The following CHN2 variants were observed in gnomAD, a reference collection of about 807,000 sequenced individuals.
The protein encoded by CHN2 is chimerin 2.
In CHN2, 35 loss-of-function variants were observed where a neutral mutation model predicts 56.3. That is an observed-to-expected ratio of 0.62 (90% CI 0.47 to 0.82). The LOEUF (loss-of-function observed/expected upper bound fraction) is 0.82. Among genes scored for constraint, CHN2 ranks in the 40% least tolerant of loss-of-function variants. The probability of loss-of-function intolerance (pLI) is 0.00; values close to 1 mark genes in which losing one functional copy is unlikely to be tolerated. For missense variants in CHN2, 491 were observed against 580.5 expected (o/e 0.85, Z 1.58); for synonymous variants, 210 against 212.8 (o/e 0.99, Z 0.12).
intron 6 of CHN2, among the ~76,000 whole-genome samples, chr7:29,417,858 C>T (rs548467983): frequency 2.1e-4 from 32 of 152,222 alleles, no homozygotes; most frequent in African/African-American, 7.5e-4. Flanking sequence ...GAGGCCCCTG[C>T]CTGAGAGAAC....
intron 3 of CHN2, among the ~76,000 whole-genome samples, chr7:29,373,468 C>G (rs148963200): frequency 6.6e-6 from 1 of 151,696 alleles, no homozygotes; most frequent in African/African-American, 2.4e-5. Flanking sequence ...AGCCACCACG[C>G]CCGGCCGGCA....
rs1791023006 is a variant in CHN2 at position 29,509,529 on chromosome 7, C to T, written c.1235+123C>T. 5 of 684,988 alleles carry T rather than the reference C, an allele frequency of 7.3e-6. No homozygotes were observed. The South Asian group carries it at 8.5e-5, about 12-fold the overall frequency. The allele number at this position is 684,988 out of a possible 1,614,324, so 42.4% of individuals were successfully genotyped here. On this transcript the variant is annotated intron_variant, in intron 12 of 12. Coordinates refer to ENST00000222792, the MANE Select transcript of CHN2 (RefSeq NM_004067.4). ...AGTTTCACTGTGCCAGGAACCACTC[C>T]AGGCACTTTCAGTGTATCATCCCTA...
At chr7:29,474,989 G>A (rs1166484333) in intron 6 of CHN2, among the ~76,000 whole-genome samples, 1 of 152,114 alleles carries the variant, frequency 6.6e-6, no homozygotes, top group South Asian at 2.1e-4. Context: ...TGTAGTGAGA[G>A]GGGTATTTGT....
chr7:29,254,183 G>A (rs755844112), intron 1 of CHN2, among the ~76,000 whole-genome samples: 26 of 152,160 alleles, frequency 1.7e-4, no homozygotes, highest in Non-Finnish European at 3.5e-4. Flanking sequence ...GATTACAGGC[G>A]TGAACCACCA....
chr7:29,369,661 C>T (rs562557868), intron 3 of CHN2, among the ~76,000 whole-genome samples: 1 of 152,172 alleles, frequency 6.6e-6, no homozygotes, highest in African/African-American at 2.4e-5. Context: ...TGTCAGTTGC[C>T]CTTAAGGCAG....
intron 2 of CHN2, among the ~76,000 whole-genome samples, chr7:29,165,966 G>T (rs570858722): frequency 2.4e-4 from 37 of 152,212 alleles, no homozygotes; most frequent in African/African-American, 8.9e-4. Flanking sequence ...TTCTTTTCTT[G>T]TAATATCTTT....
In CHN2 at chr7:29,194,850, G is replaced by C; in HGVS notation, c.-92G>C. ...TCCCCAGGACTTTGCCATGGGCTGG[G>C]GGCCGCGGAGGCTGCGAGCGGCCGG... On this transcript the variant is annotated 5_prime_UTR_variant, in exon 1 of 13. Transcript: ENST00000222792. 1 of 1,215,142 alleles carries C rather than the reference G, an allele frequency of 8.2e-7. No individual in the cohort carries two copies. The highest frequency in any genetic ancestry group is 1.1e-6 in the Non-Finnish European group (1 of 940,304). The allele number at this position is 1,215,142 out of a possible 1,614,324, so 75.3% of individuals were successfully genotyped here.
chr7:29,419,180 G>A (rs1300007970), intron 6 of CHN2, among the ~76,000 whole-genome samples: 1 of 152,140 alleles, frequency 6.6e-6, no homozygotes, highest in African/African-American at 2.4e-5. Flanking sequence ...TTGTTAGTTA[G>A]ATAGTTAGAA....
At chr7:29,374,836 CCTTCCTTCCTT>C (rs1474944631) in intron 3 of CHN2, among the ~76,000 whole-genome samples, 36 of 150,218 alleles carry the variant, frequency 2.4e-4, no homozygotes, top group African/African-American at 8.8e-4. Context: ...TTCCTTCCTT[CCTTCCTTCCTT>C]CCTGCCTCCC....
intron 1 of CHN2, among the ~76,000 whole-genome samples, chr7:29,245,604 A>G (rs1182230083): frequency 6.6e-6 from 1 of 152,208 alleles, no homozygotes; most frequent in Non-Finnish European, 1.5e-5. Context: ...AGGTATTATC[A>G]TCACTATTTT....
chr7:29,331,644 G>A (rs994150882), intron 1 of CHN2, among the ~76,000 whole-genome samples: 5 of 152,302 alleles, frequency 3.3e-5, no homozygotes, highest in South Asian at 2.1e-4. Flanking sequence ...ACCCCTTGTC[G>A]GAGAATCAGT....
intron 6 of CHN2, among the ~76,000 whole-genome samples, chr7:29,475,090 C>A (rs1786480170): frequency 6.6e-6 from 1 of 152,150 alleles, no homozygotes; most frequent in Admixed American, 6.5e-5. Context: ...CCCATTGACC[C>A]ACCCTTTCCT....
chr7:29,217,825 G>A (rs926205143), intron 1 of CHN2, among the ~76,000 whole-genome samples: 5 of 152,142 alleles, frequency 3.3e-5, no homozygotes, highest in African/African-American at 1.2e-4. Context: ...CAGGTTGGAA[G>A]GCAATAGTTT....
intron 1 of CHN2, among the ~76,000 whole-genome samples, chr7:29,274,225 T>G (rs1452137694): frequency 6.6e-6 from 1 of 152,230 alleles, no homozygotes; most frequent in Non-Finnish European, 1.5e-5. Flanking sequence ...GCTCATGGAC[T>G]GGCAACAGGA....
chr7:29,459,154 T>C (rs1190608290), intron 6 of CHN2, among the ~76,000 whole-genome samples: 3 of 152,114 alleles, frequency 2.0e-5, no homozygotes, highest in African/African-American at 7.2e-5. Flanking sequence ...GGGTCAGGGG[T>C]CAGATTCTCC....
intron 1 of CHN2, among the ~76,000 whole-genome samples, chr7:29,326,536 C>T (rs1273733305): frequency 6.6e-6 from 1 of 152,208 alleles, no homozygotes; most frequent in Non-Finnish European, 1.5e-5. Context: ...ACATCCTGTC[C>T]TCCCTTGTCC....
At chr7:29,380,428 G>A (rs1800408813) in intron 3 of CHN2, among the ~76,000 whole-genome samples, 1 of 152,130 alleles carries the variant, frequency 6.6e-6, no homozygotes, top group Non-Finnish European at 1.5e-5. Flanking sequence ...GGCTCCTTAG[G>A]GAGCTATAAT....
intron 1 of CHN2, among the ~76,000 whole-genome samples, chr7:29,315,099 A>G (rs745544766): frequency 2.0e-5 from 3 of 152,066 alleles, no homozygotes; most frequent in Non-Finnish European, 4.4e-5. Flanking sequence ...TATTTTTTTC[A>G]TATTTCTGGG....
intron 2 of CHN2, among the ~76,000 whole-genome samples, chr7:29,360,741 C>A (rs1798675140): frequency 6.6e-6 from 1 of 152,164 alleles, no homozygotes; most frequent in Admixed American, 6.5e-5. Flanking sequence ...ATATACCCTC[C>A]TTAGAAAGAA....
Sources: gnomAD v4.1 joint callset for allele counts (sites outside exome capture counted in the v4.1 genomes callset) on GRCh38, gnomAD v4.1.1 for gene constraint, MANE v1.5 for transcripts, NCBI Gene and HGNC (gene_info 2026-07-23, HGNC 2026-07-21) for gene names.